Variants in RADIL observed in about 807,000 individuals in gnomAD.
The protein encoded by RADIL is Rap associating with DIL domain.
A neutral mutation model predicts 97.6 loss-of-function variants in RADIL; 99 were observed. That is an observed-to-expected ratio of 1.01 (90% CI 0.86 to 1.20). The LOEUF (loss-of-function observed/expected upper bound fraction) is 1.20. RADIL is among the 50% of genes most tolerant of loss of function. The probability of loss-of-function intolerance (pLI) is 0.00; values close to 1 mark genes in which losing one functional copy is unlikely to be tolerated. For synonymous variants in RADIL, 803 were observed against 691.8 expected (o/e 1.16, Z -2.52); for missense variants, 1,765 against 1,498.9 (o/e 1.18, Z -2.93).
At chr7:4,801,602 G>C in intron 12 of RADIL, 51 bp downstream of exon 12, 1 of 1,525,152 alleles carries the variant, frequency 6.6e-7, no homozygotes, top group Non-Finnish European at 8.8e-7. Context: ...CCATCAGGGT[G>C]CTGTGCGGGG....
intron 2 of RADIL, among the ~76,000 whole-genome samples, chr7:4,874,188 G>A (rs1344143244): frequency 6.6e-6 from 1 of 152,248 alleles, no homozygotes; most frequent in Non-Finnish European, 1.5e-5. Flanking sequence ...TTCCAAGTGG[G>A]AGACTGTGTG....
At chr7:4,825,282 G>A (rs1455185287) in intron 5 of RADIL, among the ~76,000 whole-genome samples, 8 of 152,184 alleles carry the variant, frequency 5.3e-5, no homozygotes, top group Non-Finnish European at 8.8e-5. Context: ...TGGTCAAGGC[G>A]CGGGTATCTC....
intron 2 of RADIL, chr7:4,861,718 G>C: frequency 6.5e-7 from 1 of 1,544,698 alleles, no homozygotes; most frequent in South Asian, 1.3e-5. Flanking sequence ...TCTCCTTGGG[G>C]ACCGCTAGAC....
intron 1 of RADIL, among the ~76,000 whole-genome samples, chr7:4,882,519 G>T (rs947655414): frequency 6.6e-6 from 1 of 152,176 alleles, no homozygotes; most frequent in Non-Finnish European, 1.5e-5. Context: ...TCCCAGCGGC[G>T]AGTACAGGGA....
intron 2 of RADIL, among the ~76,000 whole-genome samples, chr7:4,864,450 C>T (rs1784088538): frequency 6.6e-6 from 1 of 152,226 alleles, no homozygotes; most frequent in Non-Finnish European, 1.5e-5. Context: ...CAGATTAATT[C>T]ATATTTTAAT....
At chr7:4,805,413 G>A (rs1409973860) in intron 10 of RADIL, 153 bp downstream of exon 10, 8 of 920,130 alleles carry the variant, frequency 8.7e-6, no homozygotes, top group Non-Finnish European at 1.2e-5. Context: ...GCGGGGCGGG[G>A]GGGTCCTCTG....
chr7:4,802,044 C>T (rs576916384), intron 11 of RADIL, 49 bp from the exon 12 acceptor site: 1 of 1,418,482 alleles, frequency 7.0e-7, no homozygotes, highest in Non-Finnish European at 9.3e-7. Flanking sequence ...GCCAGGTGGA[C>T]ACAGCACTCG....
chr7:4,835,263 G>A lies in RADIL; in HGVS notation c.784-24C>T. The A allele has an allele frequency of 6.2e-7, 1 of 1,603,108 alleles. No individual in the cohort carries two copies. On this transcript the variant is annotated intron_variant, in intron 3 of 14. Coordinates refer to ENST00000399583, the MANE Select transcript of RADIL (RefSeq NM_018059.5). The surrounding 1 kb of genome is among the most constrained non-coding windows in gnomAD (Gnocchi z 5.8). The stretch of plus-strand genomic sequence containing the variant: ...TCCTGAAACAGAGACTCCGCTCAGG[G>A]CAGGCGTAACGCGAGCAGCACACGG...
At position 4,877,782 on chromosome 7, in the gene RADIL, C is replaced by G. The variant is rs776559353; in HGVS notation, c.358G>C (p.Gly120Arg). 6.2e-7 allele frequency: 1 copy of G among 1,612,298 alleles called. No individual in the cohort carries two copies. The highest frequency in any genetic ancestry group is 1.7e-5 in the Admixed American group (1 of 60,034). ...GCCTGCCACCGCTGCCCAGCATCGC[C>G]GGCTTGGCCCACCACGTCACACAGC... ...YVLCDVVGQA[G>R]DAGQRWQARC... is the part of the protein sequence containing the mutation. The change falls in exon 2 of 15, where the codon GGC becomes CGC. Residue 120 changes from glycine (G) to arginine (R), a missense_variant. Transcript: ENST00000399583.
At chr7:4,850,862 T>C (rs1297325908) in intron 2 of RADIL, among the ~76,000 whole-genome samples, 1 of 151,990 alleles carries the variant, frequency 6.6e-6, no homozygotes, top group African/African-American at 2.4e-5. Context: ...AAAACGTAAG[T>C]TAAATAGTAT....
intron 9 of RADIL, chr7:4,808,686 C>G (rs1453283898): frequency 2.4e-6 from 2 of 840,826 alleles, no homozygotes; most frequent in African/African-American, 2.0e-5. Flanking sequence ...CCACTGCCCC[C>G]GTTCCAACGC....
chr7:4,835,231 C>G lies in RADIL; in HGVS notation c.792G>C (p.Leu264=). ...LQGYSQQHDS[L]VYVLNRDRHT... is the part of the protein sequence containing the mutation. ...GCCGGTCCCGGTTGAGCACATACAC[C>G]AGGCTGTCCTGAAACAGAGACTCCG... Residue 264 remains leucine, a synonymous_variant, in exon 4 of 15, where the codon CTG becomes CTC. Coordinates refer to ENST00000399583, the MANE Select transcript of RADIL (RefSeq NM_018059.5). This position sits in a 1 kb window ranked among gnomAD's most constrained non-coding sequence, Gnocchi z 5.8. 1.2e-6 allele frequency: 2 copies of G among 1,609,754 alleles called. No individual in the cohort carries two copies. The highest frequency in any genetic ancestry group is 1.7e-6 in the Non-Finnish European group (2 of 1,179,856).
chr7:4,801,551 G>A (rs1335356965), intron 12 of RADIL, 102 bp downstream of exon 12: 1 of 1,307,348 alleles, frequency 7.6e-7, no homozygotes, highest in Non-Finnish European at 1.0e-6. Flanking sequence ...GGCAGGTAAG[G>A]AAACCTAGGA....
intron 5 of RADIL, among the ~76,000 whole-genome samples, chr7:4,828,434 G>C (rs1377600991): frequency 6.6e-6 from 1 of 152,228 alleles, no homozygotes; most frequent in African/African-American, 2.4e-5. Flanking sequence ...CTCCAGCCTG[G>C]GTGACAGAAT....
At chr7:4,856,508 C>T (rs1478409609) in intron 2 of RADIL, among the ~76,000 whole-genome samples, 1 of 152,194 alleles carries the variant, frequency 6.6e-6, no homozygotes, top group African/African-American at 2.4e-5. Context: ...CTTCTCCCAG[C>T]TTAGGGCCTG....
rs879613180 is a variant in RADIL at position 4,880,422 on chromosome 7, C to T, written c.-64-2219G>A. ...GCACACCACACCAGCGGCTTCCAAT[C>T]GCCCTCTAGTCTGACCTCAGTCTCC... On this transcript the variant is annotated intron_variant, in intron 1 of 14. Coordinates refer to ENST00000399583, the MANE Select transcript of RADIL (RefSeq NM_018059.5). The surrounding 1 kb of genome is among the most constrained non-coding windows in gnomAD (Gnocchi z 4.5). Among the ~76,000 whole-genome samples the T allele has an allele frequency of 1.3e-4, 20 of 152,318 alleles. No individual in the cohort carries two copies. Among genetic ancestry groups the T allele is most frequent in the South Asian group, 4.1e-4 (2 of 4,830 alleles).
chr7:4,838,455 G>A (rs1783358820), intron 2 of RADIL, among the ~76,000 whole-genome samples: 1 of 152,148 alleles, frequency 6.6e-6, no homozygotes, highest in East Asian at 1.9e-4. Context: ...GCTCCCAGAG[G>A]ACCTGGCCAC....
intron 2 of RADIL, 55 bp downstream of exon 2, chr7:4,877,550 T>G: frequency 6.5e-7 from 1 of 1,530,474 alleles, no homozygotes; most frequent in Non-Finnish European, 8.8e-7. Flanking sequence ...CTACCTCGGC[T>G]GGCCTTCTCA....
intron 5 of RADIL, among the ~76,000 whole-genome samples, chr7:4,830,332 G>C (rs968804154): frequency 6.6e-6 from 1 of 152,152 alleles, no homozygotes; most frequent in Non-Finnish European, 1.5e-5. Context: ...GGGCCCACTC[G>C]AGAGTGGGAG....
Sources: gnomAD v4.1 joint callset for allele counts (sites outside exome capture counted in the v4.1 genomes callset) on GRCh38, gnomAD v4.1.1 for gene constraint, Gnocchi (gnomAD v3.1) non-coding constraint, MANE v1.5 for transcripts, NCBI Gene and HGNC (gene_info 2026-07-23, HGNC 2026-07-21) for gene names.